GPC3: variants seen among roughly 807,000 people sequenced by gnomAD.
The protein encoded by GPC3 is glypican 3, also known as glypican-3.
A neutral mutation model predicts 34.4 loss-of-function variants in GPC3; 3 were observed. That is an observed-to-expected ratio of 0.09 (90% CI 0.04 to 0.23). GPC3 has a LOEUF of 0.23. GPC3 is among the 10% of genes least tolerant of loss of function. The pLI, the probability that GPC3 is intolerant of heterozygous loss-of-function variation, is 1.00. For synonymous variants in GPC3, 177 were observed against 174.0 expected, an observed-to-expected ratio of 1.02 and a Z score of -0.13; for missense variants, 351 against 445.6, an observed-to-expected ratio of 0.79 and a Z score of 1.91.
rs545293719 is a variant in GPC3 at position 133,945,626 on chromosome X, C to T, written c.337+7424G>A. Among the ~76,000 whole-genome samples the T allele has an allele frequency of 2.8e-5, 3 of 108,532 alleles. No individual in the cohort carries two copies. In the South Asian group the frequency reaches 1.2e-3, roughly 45 times the overall value. 94.2% of individuals were successfully genotyped at this position (108,532 alleles called of 115,157 possible). On this transcript the variant is annotated intron_variant, in intron 2 of 7. Coordinates refer to ENST00000370818, the MANE Select transcript of GPC3 (RefSeq NM_004484.4). ...AAAATTAGCCAGGCATGATGGCAGG[C>T]GCCTGTAATCCAAGCTACTCAGGAG...
chrX:133,812,642 G>A (rs1260877808), intron 2 of GPC3, among the ~76,000 whole-genome samples: 4 of 111,864 alleles, frequency 3.6e-5, no homozygotes, highest in Non-Finnish European at 1.9e-5. Context: ...ACCCTATTCC[G>A]GCCAGGCAAA....
intron 6 of GPC3, among the ~76,000 whole-genome samples, chrX:133,642,501 G>A (rs769532587): frequency 9.0e-6 from 1 of 111,584 alleles, no homozygotes; most frequent in Non-Finnish European, 1.9e-5. Context: ...GCCAGGCGCA[G>A]TGGCTCATGC....
chrX:133,756,382 A>G (rs749257299), intron 2 of GPC3, among the ~76,000 whole-genome samples: 2 of 112,563 alleles, frequency 1.8e-5, no homozygotes, highest in African/African-American at 6.4e-5. Flanking sequence ...GAAACATACT[A>G]GAAGAAATTG....
chrX:133,734,137 T>C (rs1171870340), intron 3 of GPC3, among the ~76,000 whole-genome samples: 1 of 111,734 alleles, frequency 8.9e-6, no homozygotes, highest in Non-Finnish European at 1.9e-5. Context: ...GATATAAAAA[T>C]CTTCAACAAA....
rs145981282 is a variant in GPC3, at chrX:133,661,739, G to A, written c.1404C>T (p.His468=). ...TTTATATTCCACATACCTGGTTAATGTGCTTCAGTTTGTCAATAATTTGAC... is the reference window on the plus strand; with the variant it reads ...TTTATATTCCACATACCTGGTTAATATGCTTCAGTTTGTCAATAATTTGAC... ...VVSQIIDKLK[H]INQLLRTMSM... The change falls in exon 6 of 8, where the codon CAC becomes CAT. Residue 468 remains histidine, a synonymous_variant. Coordinates refer to ENST00000370818, the MANE Select transcript of GPC3 (RefSeq NM_004484.4). 3 of 1,152,601 alleles carry A rather than the reference G, an allele frequency of 2.6e-6. No homozygotes were observed. The highest frequency in any genetic ancestry group is 1.9e-5 in the African/African-American group (1 of 53,300). 95.0% of individuals were successfully genotyped at this position (1,152,601 alleles called of 1,213,427 possible).
chrX:133,656,680 T>C (rs936283952), intron 6 of GPC3, among the ~76,000 whole-genome samples: 2 of 111,018 alleles, frequency 1.8e-5, no homozygotes, highest in African/African-American at 6.6e-5. Context: ...GGGTGATAAA[T>C]GCAAAACTGT....
At chrX:133,672,124 C>T (rs1295025956) in intron 5 of GPC3, among the ~76,000 whole-genome samples, 3 of 111,125 alleles carry the variant, frequency 2.7e-5, no homozygotes, top group African/African-American at 9.8e-5. Context: ...GTATTACCCA[C>T]TACAAGGAGA....
At chrX:133,942,733 T>C (rs2076350231) in intron 2 of GPC3, among the ~76,000 whole-genome samples, 1 of 111,752 alleles carries the variant, frequency 8.9e-6, no homozygotes, top group African/African-American at 3.2e-5. Flanking sequence ...AAAAAAAGAT[T>C]ATCCTGAAAT....
chrX:133,970,847 G>A (rs2076489202), intron 1 of GPC3, among the ~76,000 whole-genome samples: 1 of 111,521 alleles, frequency 9.0e-6, no homozygotes, highest in African/African-American at 3.3e-5. Context: ...GCTTGGAAGA[G>A]ATAATAGATA....
At chrX:133,577,240 G>A (rs377604695) in intron 7 of GPC3, among the ~76,000 whole-genome samples, 1 of 112,283 alleles carries the variant, frequency 8.9e-6, no homozygotes, top group Admixed American at 9.5e-5. Context: ...ATGGCAACAC[G>A]TCTATTAGTC....
rs775127950 is a variant in GPC3 at position 133,650,500 on chromosome X, C to T, written c.1413+11230G>A. On this transcript the variant is annotated intron_variant, in intron 6 of 7. Coordinates refer to ENST00000370818, the MANE Select transcript of GPC3 (RefSeq NM_004484.4). The stretch of plus-strand genomic sequence containing the variant: ...ACACACACACACACATATAAAAAAT[C>T]GTCTTCATTTTCCATTCAGTCACTT... Among the ~76,000 whole-genome samples the T allele has an allele frequency of 1.0e-4, 11 of 109,434 alleles. No homozygotes were observed. In the South Asian group the frequency reaches 2.0e-3, roughly 20 times the overall value.
chrX:133,547,286 T>C (rs1198870747), intron 7 of GPC3, among the ~76,000 whole-genome samples: 2 of 111,214 alleles, frequency 1.8e-5, no homozygotes, highest in African/African-American at 6.5e-5. Context: ...CAATAAAAAA[T>C]AAAAATTGGT....
intron 6 of GPC3, among the ~76,000 whole-genome samples, chrX:133,643,038 C>T (rs1030582069): frequency 3.9e-4 from 44 of 111,560 alleles, no homozygotes; most frequent in African/African-American, 1.2e-3. Context: ...TGTTTGGGCC[C>T]ATTTGTGAAT....
intron 6 of GPC3, among the ~76,000 whole-genome samples, chrX:133,632,923 G>A (rs989241260): frequency 9.0e-6 from 1 of 110,890 alleles, no homozygotes; most frequent in Non-Finnish European, 1.9e-5. Context: ...GAGTATGTGA[G>A]GCAGTATGTG....
intron 2 of GPC3, among the ~76,000 whole-genome samples, chrX:133,842,362 A>ATATATTATAT (rs779329401): frequency 3.3e-3 from 346 of 106,239 alleles, no homozygotes; most frequent in African/African-American, 0.01. Context: ...ACTCCCCTAT[A>ATATATTATAT]TATATTACAT....
chrX:133,616,972 A>G lies in GPC3; in HGVS notation c.1414-20373T>C, dbSNP rs369094170. 1.3e-3 allele frequency among the ~76,000 whole-genome samples: 141 copies of G among 111,607 alleles called. 2 individuals are homozygous for G. The East Asian group carries it at 0.016, about 12-fold the overall frequency. On this transcript the variant is annotated intron_variant, in intron 6 of 7. Coordinates refer to ENST00000370818, the MANE Select transcript of GPC3 (RefSeq NM_004484.4). ...CTCAGCCTCCCAAAGTACTGGGATT[A>G]CAGGCGTGAGCCACCGCGCCTAGCC... is the stretch of plus-strand genomic sequence containing the variant.
intron 2 of GPC3, among the ~76,000 whole-genome samples, chrX:133,815,195 T>C (rs1201342541): frequency 9.4e-6 from 1 of 106,236 alleles, no homozygotes; most frequent in Non-Finnish European, 1.9e-5. Context: ...AATGCAAATT[T>C]GCAGATGCAA....
intron 3 of GPC3, among the ~76,000 whole-genome samples, chrX:133,726,785 C>G (rs1008345263): frequency 8.9e-6 from 1 of 112,234 alleles, no homozygotes; most frequent in Non-Finnish European, 1.9e-5. Flanking sequence ...AGTGGCCACA[C>G]TGGCCACTGT....
chrX:133,815,800 G>A (rs1299750605), intron 2 of GPC3, among the ~76,000 whole-genome samples: 11 of 111,834 alleles, frequency 9.8e-5, no homozygotes, highest in African/African-American at 3.6e-4. Context: ...CTCAGTAGTT[G>A]TTCTAAATGC....
Sources: gnomAD v4.1 joint callset for allele counts (sites outside exome capture counted in the v4.1 genomes callset) on GRCh38, gnomAD v4.1.1 for gene constraint, MANE v1.5 for transcripts, NCBI Gene and HGNC (gene_info 2026-07-23, HGNC 2026-07-21) for gene names.